The following PRKG1 variants were observed in gnomAD, a reference collection of about 807,000 sequenced individuals.
PRKG1 encodes cGMP-dependent protein kinase 1.
PRKG1 carries 35 observed loss-of-function variants against 88.1 expected under a neutral mutation model. The ratio of observed to expected loss-of-function variants is 0.40; its 90% confidence interval spans 0.30 to 0.53. The LOEUF is 0.53. Ranked by LOEUF, PRKG1 falls within the 20% of genes least tolerant of loss-of-function variation. The probability of loss-of-function intolerance (pLI) is 0.59; values close to 1 mark genes in which losing one functional copy is unlikely to be tolerated. For missense variants in PRKG1, 540 were observed against 839.8 expected (o/e 0.64, Z 4.41); for synonymous variants, 303 against 292.5 (o/e 1.04, Z -0.37).
intron 9 of PRKG1, among the ~76,000 whole-genome samples, chr10:52,210,306 C>T (rs1315674451): frequency 6.6e-6 from 1 of 151,676 alleles, no homozygotes; most frequent in African/African-American, 2.4e-5. Context: ...AAGTCTCGGC[C>T]ACTAGATCTT....
intron 9 of PRKG1, among the ~76,000 whole-genome samples, chr10:52,243,324 A>C (rs920011299): frequency 3.3e-5 from 5 of 152,310 alleles, no homozygotes; most frequent in African/African-American, 1.2e-4. Context: ...AAAACTGCAG[A>C]TAGAATCAGA....
At chr10:50,992,878 C>G (rs1248029888) in intron 1 of PRKG1, among the ~76,000 whole-genome samples, 2 of 152,110 alleles carry the variant, frequency 1.3e-5, no homozygotes, top group African/African-American at 4.8e-5. Context: ...ATTAGGAGTG[C>G]CTTCATGCCC....
At chr10:51,232,145 G>T (rs1054438685) in intron 2 of PRKG1, among the ~76,000 whole-genome samples, 1 of 152,144 alleles carries the variant, frequency 6.6e-6, no homozygotes, top group Admixed American at 6.6e-5. Flanking sequence ...GTGGGCATGT[G>T]TATGTACAAA....
intron 7 of PRKG1, among the ~76,000 whole-genome samples, chr10:52,075,724 T>C (rs1300839322): frequency 1.3e-5 from 2 of 152,206 alleles, no homozygotes; most frequent in Admixed American, 1.3e-4. Flanking sequence ...GTCAAGATGC[T>C]AACATTGTCA....
chr10:52,040,452 T>A (rs548349341), intron 5 of PRKG1, among the ~76,000 whole-genome samples: 17 of 152,350 alleles, frequency 1.1e-4, no homozygotes, highest in Admixed American at 8.5e-4. Flanking sequence ...TTAGGTGGAG[T>A]AGAATGCTTG....
chr10:51,697,937 A>T, intron 3 of PRKG1: 1 of 1,598,908 alleles, frequency 6.3e-7, no homozygotes, highest in South Asian at 1.1e-5. Context: ...TCCTCCTTGT[A>T]TACTGACTCC....
At chr10:52,085,250 TCTCC>T (rs914683754) in intron 7 of PRKG1, among the ~76,000 whole-genome samples, 8 of 151,774 alleles carry the variant, frequency 5.3e-5, no homozygotes, top group Non-Finnish European at 7.4e-5. Flanking sequence ...ATCAAATTAT[TCTCC>T]CTCCCTCCCT....
chr10:51,343,132 G>T (rs1026589974), intron 2 of PRKG1, among the ~76,000 whole-genome samples: 1 of 152,182 alleles, frequency 6.6e-6, no homozygotes, highest in African/African-American at 2.4e-5. Flanking sequence ...TACTACTTTA[G>T]TTGTTGGACT....
rs1296469671 is a variant in PRKG1 at position 52,013,245 on chromosome 10, C to T, written c.763-41239C>T. Among the ~76,000 whole-genome samples the T allele has an allele frequency of 2.6e-5, 4 of 151,942 alleles. No homozygotes were observed. The East Asian group carries it at 5.8e-4, about 22-fold the overall frequency. On this transcript the variant is annotated intron_variant, in intron 5 of 17. Transcript: ENST00000373980. ...CATCCTGGCTAACACGGTGAAACCC[C>T]GTCTCTACTAAAAATACAAAAAAAT...
intron 5 of PRKG1, among the ~76,000 whole-genome samples, chr10:51,977,522 T>G (rs536421290): frequency 1.3e-5 from 2 of 152,126 alleles, no homozygotes; most frequent in African/African-American, 4.8e-5. Context: ...AATTCTGTTT[T>G]TAAGTCTTTC....
At chr10:51,074,325 T>G, upstream of PRKG1, 2 of 654,324 alleles carry the variant, frequency 3.1e-6, no homozygotes. Flanking sequence ...GCGTCTCAGG[T>G]TTAATCCCGG....
chr10:51,140,772 A>G (rs947208672), intron 1 of PRKG1, among the ~76,000 whole-genome samples: 1 of 152,006 alleles, frequency 6.6e-6, no homozygotes, highest in Non-Finnish European at 1.5e-5. Context: ...AACCCTAGAG[A>G]CTGTGGCAGG....
intron 2 of PRKG1, among the ~76,000 whole-genome samples, chr10:51,207,215 A>G (rs1341983117): frequency 6.6e-6 from 1 of 152,206 alleles, no homozygotes; most frequent in Non-Finnish European, 1.5e-5. Flanking sequence ...AGGCTTTATA[A>G]TATTATCCAG....
intron 9 of PRKG1, among the ~76,000 whole-genome samples, chr10:52,244,529 G>C (rs1246245086): frequency 9.7e-6 from 1 of 103,378 alleles, no homozygotes; most frequent in Non-Finnish European, 2.4e-5. Context: ...TACACAAAAA[G>C]TTGCAATGAG....
chr10:51,787,838 A>G (rs1838766538), intron 3 of PRKG1, among the ~76,000 whole-genome samples: 1 of 152,190 alleles, frequency 6.6e-6, no homozygotes, highest in African/African-American at 2.4e-5. Flanking sequence ...CAACCTTCAG[A>G]ATAACTCAGT....
intron 2 of PRKG1, among the ~76,000 whole-genome samples, chr10:51,172,646 A>G (rs1837072188): frequency 5.4e-5 from 1 of 18,472 alleles, no homozygotes; most frequent in Non-Finnish European, 1.4e-4. Context: ...GTATGTATGT[A>G]TGTATCTATC....
intron 2 of PRKG1, among the ~76,000 whole-genome samples, chr10:51,250,251 A>G (rs1269334161): frequency 6.6e-6 from 1 of 151,912 alleles, no homozygotes; most frequent in Non-Finnish European, 1.5e-5. Context: ...CATAAAAATG[A>G]TCACAGTTTG....
chr10:51,799,709 C>T (rs913516257), intron 3 of PRKG1, among the ~76,000 whole-genome samples: 1 of 151,968 alleles, frequency 6.6e-6, no homozygotes, highest in African/African-American at 2.4e-5. Flanking sequence ...AGTGGCATGA[C>T]CCTAGGGACA....
At chr10:51,947,296 C>T (rs1187264389) in intron 5 of PRKG1, among the ~76,000 whole-genome samples, 2 of 152,118 alleles carry the variant, frequency 1.3e-5, no homozygotes, top group South Asian at 2.1e-4. Flanking sequence ...CCTGGTGCGC[C>T]GTTTTTTAAG....
Sources: allele counts gnomAD v4.1 joint callset (sites outside exome capture counted in the v4.1 genomes callset), GRCh38; gene constraint gnomAD v4.1.1; transcripts MANE v1.5; gene names NCBI Gene and HGNC (gene_info 2026-07-23, HGNC 2026-07-21).